YIPF1: variants seen among roughly 807,000 people sequenced by gnomAD.
YIPF1 encodes the protein protein YIPF1.
In YIPF1, 22 loss-of-function variants were observed where a neutral mutation model predicts 37.0. The ratio of observed to expected loss-of-function variants is 0.59; its 90% CI spans 0.42 to 0.85. The LOEUF is 0.85. Among genes scored for constraint, YIPF1 ranks in the 40% least tolerant of loss-of-function variants. The pLI, the probability that YIPF1 is intolerant of heterozygous loss-of-function variation, is 0.00. For missense variants in YIPF1, 355 were observed against 373.1 expected (o/e 0.95, Z 0.40); for synonymous variants, 128 against 131.9 (o/e 0.97, Z 0.21).
intron 10 of YIPF1, among the ~76,000 whole-genome samples, chr1:53,856,447 A>C (rs1221856673): frequency 6.6e-6 from 1 of 152,040 alleles, no homozygotes; most frequent in African/African-American, 2.4e-5. Context: ...TGTGTTCTCT[A>C]CCTCTGTCCC....
At chr1:53,883,070 C>A in intron 4 of YIPF1, 43 bp downstream of exon 4, 1 of 1,528,034 alleles carries the variant, frequency 6.5e-7, no homozygotes, top group South Asian at 1.3e-5. Context: ...CATAAACAAG[C>A]TTTAAAAATT....
At chr1:53,862,738 A>G (rs1649916575) in intron 9 of YIPF1, among the ~76,000 whole-genome samples, 1 of 152,112 alleles carries the variant, frequency 6.6e-6, no homozygotes, top group African/African-American at 2.4e-5. Flanking sequence ...TGCCCTAATA[A>G]TAATGTCTTC....
In YIPF1 at chr1:53,851,806, G is replaced by T. The variant is rs1649600267; in HGVS notation, c.*473C>A. 1 of 152,190 alleles carries T rather than the reference G, an allele frequency of 6.6e-6. No individual in the cohort carries two copies. Among genetic ancestry groups the T allele is most frequent in the Non-Finnish European group, 1.5e-5 (1 of 68,058 alleles). The allele number at this position is 152,190 out of a possible 1,614,324, so 9.4% of individuals were successfully genotyped here. On this transcript the variant is annotated 3_prime_UTR_variant, in exon 11 of 11. Transcript: ENST00000072644. ...CAGGTTACCAAAGACAAATTTTCAAGCTCCCGGTTAATCCCCACCAAAGTT... is the reference window on the plus strand; with the variant it reads ...CAGGTTACCAAAGACAAATTTTCAATCTCCCGGTTAATCCCCACCAAAGTT...
chr1:53,854,907 A>C (rs1289197703), intron 10 of YIPF1: 1 of 151,908 alleles, frequency 6.6e-6, no homozygotes, highest in East Asian at 1.9e-4. Context: ...AGGAACTCTC[A>C]GTCTATGAAG....
Position 53,888,923 on chromosome 1 carries a change from A to G in YIPF1, c.15T>C (p.Asp5=). The change falls in exon 3 of 11, where the codon GAT becomes GAC. Residue 5 remains aspartate (D), a synonymous_variant. Transcript: ENST00000072644. MAAV[D]DLQFEEFGNA... ...CTGGTATACCTTCAAATTGCAAGTC[A>G]TCTACTGCTGCCATTCGGCCAGTGA... The G allele has an allele frequency of 6.3e-7, 1 of 1,595,604 alleles. No homozygotes were observed. Among genetic ancestry groups the G allele is most frequent in the Non-Finnish European group, 8.6e-7 (1 of 1,164,748 alleles).
At chr1:53,882,738 C>T (rs1169871154) in intron 4 of YIPF1, among the ~76,000 whole-genome samples, 2 of 152,282 alleles carry the variant, frequency 1.3e-5, no homozygotes, top group African/African-American at 2.4e-5. Flanking sequence ...GGATTATATG[C>T]GTGAGCCACC....
At chr1:53,855,376 C>A (rs1479775034) in intron 10 of YIPF1, among the ~76,000 whole-genome samples, 1 of 151,834 alleles carries the variant, frequency 6.6e-6, no homozygotes, top group Non-Finnish European at 1.5e-5. Flanking sequence ...CTACCAGGGT[C>A]TTGGCTCAGA....
At position 53,887,438 on chromosome 1, in the gene YIPF1, C is replaced by G. The variant is rs964189739; in HGVS notation, c.31+1469G>C. 7.2e-5 allele frequency among the ~76,000 whole-genome samples: 11 copies of G among 151,862 alleles called. 1 individual carries two copies. Among genetic ancestry groups the G allele is most frequent in the Admixed American group, 7.2e-4 (11 of 15,256 alleles). On this transcript the variant is annotated intron_variant, in intron 3 of 10. Transcript: ENST00000072644. Reference sequence around the variant, plus strand: ...GAAGGTTCTGAAAGAATGACATGATCTGCTTGAGTTTTAGAAGGACTACTC... The same window carrying G: ...GAAGGTTCTGAAAGAATGACATGATGTGCTTGAGTTTTAGAAGGACTACTC...
At chr1:53,860,229 A>G (rs1252792443) in intron 9 of YIPF1, 76 bp from the exon 10 acceptor site, 1 of 1,414,008 alleles carries the variant, frequency 7.1e-7, no homozygotes. Context: ...ACTCCATGCT[A>G]ACAGTACTTT....
At chr1:53,888,200 T>C (rs1412236140) in intron 3 of YIPF1, among the ~76,000 whole-genome samples, 5 of 152,164 alleles carry the variant, frequency 3.3e-5, no homozygotes, top group African/African-American at 1.2e-4. Context: ...CACTCCAGCC[T>C]GGGCAACAGA....
At chr1:53,864,573 C>CA (rs1408320688) in intron 9 of YIPF1, among the ~76,000 whole-genome samples, 1 of 151,756 alleles carries the variant, frequency 6.6e-6, no homozygotes, top group Non-Finnish European at 1.5e-5. Context: ...TGTTAAAGAT[C>CA]AAATGATGCC....
intron 9 of YIPF1, 134 bp from the exon 10 acceptor site, chr1:53,860,287 C>T (rs1649836115): frequency 5.2e-6 from 4 of 762,620 alleles, no homozygotes. Context: ...TGCCATCACA[C>T]TAAACTACAA....
chr1:53,875,625 A>C (rs538628608), intron 6 of YIPF1, among the ~76,000 whole-genome samples: 1 of 152,296 alleles, frequency 6.6e-6, no homozygotes, highest in East Asian at 1.9e-4. Flanking sequence ...CTGTCCCTCC[A>C]CACTGTCTCT....
In YIPF1 at chr1:53,878,335, C is replaced by A. The variant is rs533059502; in HGVS notation, c.344G>T (p.Arg115Leu). ...PGKNFVRLYIRSNPDLYGPFW... is the reference protein window; with the variant it reads ...PGKNFVRLYILSNPDLYGPFW... The stretch of plus-strand genomic sequence containing the variant: ...CATACCATAGAGATCTGGATTGCTG[C>A]GGATATATAACCTCACAAAGTTTTT... The change falls in exon 6 of 11, where the codon CGC becomes CTC. Residue 115 changes from arginine to leucine, a missense_variant. By Grantham distance (102) the Arg-to-Leu change is moderately radical. Transcript: ENST00000072644. 4 of 1,613,900 alleles carry A rather than the reference C, an allele frequency of 2.5e-6. No homozygotes were observed. The East Asian group carries it at 8.9e-5, about 36-fold the overall frequency.
chr1:53,886,584 G>A (rs1650659901), intron 3 of YIPF1: 1 of 115,406 alleles, frequency 8.7e-6, no homozygotes, highest in Admixed American at 1.2e-4. Context: ...CCAGCATCCT[G>A]TGTGCTTTTC....
chr1:53,853,853 T>C (rs568364354), intron 10 of YIPF1, among the ~76,000 whole-genome samples: 2 of 152,314 alleles, frequency 1.3e-5, no homozygotes, highest in African/African-American at 2.4e-5. Flanking sequence ...GAGCAAGCAC[T>C]CAAGATTTTA....
chr1:53,881,338 G>C (rs1394829412), intron 4 of YIPF1, among the ~76,000 whole-genome samples: 1 of 150,974 alleles, frequency 6.6e-6, no homozygotes, highest in Admixed American at 6.6e-5. Context: ...AACACCAAAA[G>C]CAATTGCAAC....
chr1:53,869,294 G>A (rs1166400733), intron 7 of YIPF1, among the ~76,000 whole-genome samples: 1 of 151,780 alleles, frequency 6.6e-6, no homozygotes, highest in Non-Finnish European at 1.5e-5. Context: ...AAGGTTACTG[G>A]ATAAATAATG....
At chr1:53,871,523 A>C in intron 6 of YIPF1, 35 bp from the exon 7 acceptor site, 1 of 1,481,264 alleles carries the variant, frequency 6.8e-7, no homozygotes, top group East Asian at 2.3e-5. Flanking sequence ...GAAACAAGAA[A>C]ATGAAGCATA....
Sources: gnomAD v4.1 joint callset for allele counts (sites outside exome capture counted in the v4.1 genomes callset) on GRCh38, gnomAD v4.1.1 for gene constraint, MANE v1.5 for transcripts, NCBI Gene and HGNC (gene_info 2026-07-23, HGNC 2026-07-21) for gene names.